PDE4D: variants seen among roughly 807,000 people sequenced by gnomAD.
The protein encoded by PDE4D is 3',5'-cyclic-AMP phosphodiesterase 4D.
Under a neutral mutation model 87.4 loss-of-function variants are expected in PDE4D, and 24 were observed. The ratio of observed to expected loss-of-function variants is 0.27; its 90% CI spans 0.20 to 0.39. The LOEUF (loss-of-function observed/expected upper bound fraction) is 0.39, where lower values mean the gene tolerates loss of function less well. Among genes scored for constraint, PDE4D ranks in the 10% least tolerant of loss-of-function variants. The pLI, the probability that PDE4D is intolerant of heterozygous loss-of-function variation, is 1.00. For synonymous variants in PDE4D, 384 were observed against 383.2 expected (o/e 1.00, Z -0.02); for missense variants, 714 against 1,041.0 (o/e 0.69, Z 4.32).
chr5:59,594,548 T>C (rs929261741), intron 1 of PDE4D, among the ~76,000 whole-genome samples: 62 of 152,078 alleles, frequency 4.1e-4, no homozygotes, highest in African/African-American at 1.4e-3. Context: ...CTCAACCTCC[T>C]GACCTCAGGT....
chr5:59,865,493 G>A (rs979675994), intron 1 of PDE4D, among the ~76,000 whole-genome samples: 3 of 152,266 alleles, frequency 2.0e-5, no homozygotes, highest in East Asian at 3.9e-4. Flanking sequence ...GCCTTTTGTA[G>A]AGCCAAGAGA....
intron 1 of PDE4D, among the ~76,000 whole-genome samples, chr5:59,296,830 T>G (rs978066670): frequency 1.3e-5 from 2 of 151,892 alleles, no homozygotes; most frequent in Non-Finnish European, 1.5e-5. Flanking sequence ...AAGGTTAAAC[T>G]CGCAAGGTTA....
intron 11 of PDE4D, among the ~76,000 whole-genome samples, chr5:58,978,549 AT>A (rs1250512259): frequency 2.6e-5 from 4 of 152,228 alleles, no homozygotes; most frequent in African/African-American, 9.6e-5. Context: ...TAAGAAAGAA[AT>A]ACCCAATACT....
intron 1 of PDE4D, among the ~76,000 whole-genome samples, chr5:59,288,972 A>AT (rs1767497964): frequency 6.6e-6 from 1 of 152,122 alleles, no homozygotes; most frequent in South Asian, 2.1e-4. Context: ...AGAAAAGCAT[A>AT]TTAATGAGCA....
intron 3 of PDE4D, among the ~76,000 whole-genome samples, chr5:59,920,011 T>A (rs367660291): frequency 6.6e-6 from 1 of 152,222 alleles, no homozygotes. Flanking sequence ...AAATCTTGAA[T>A]TGAGATTATG....
chr5:60,114,157 T>G (rs570435186), intron 2 of PDE4D, among the ~76,000 whole-genome samples: 31 of 152,144 alleles, frequency 2.0e-4, no homozygotes, highest in Non-Finnish European at 3.1e-4. Context: ...ACTAGTAGTA[T>G]TTCATAGACT....
chr5:59,827,805 T>C (rs183806892), intron 1 of PDE4D, among the ~76,000 whole-genome samples: 7 of 152,202 alleles, frequency 4.6e-5, no homozygotes, highest in Admixed American at 2.6e-4. Context: ...ATTGTTTTCT[T>C]TGAAATAGTG....
chr5:60,288,410 A>C (rs1219434554), intron 1 of PDE4D, among the ~76,000 whole-genome samples: 1 of 151,994 alleles, frequency 6.6e-6, no homozygotes, highest in Non-Finnish European at 1.5e-5. Context: ...TGTCCTCTCC[A>C]CCCCCAGAAA....
intron 1 of PDE4D, chr5:60,460,036 G>A: frequency 6.9e-7 from 1 of 1,449,734 alleles, no homozygotes; most frequent in Non-Finnish European, 9.7e-7. Context: ...TAATGAGTTT[G>A]ACCAAATATC....
intron 1 of PDE4D, among the ~76,000 whole-genome samples, chr5:59,553,195 A>G (rs1818397111): frequency 6.6e-6 from 1 of 152,126 alleles, no homozygotes; most frequent in Admixed American, 6.6e-5. Context: ...CCGTATGTAC[A>G]TGTTTCTGAC....
At chr5:59,453,946 T>C (rs1799526596) in intron 1 of PDE4D, among the ~76,000 whole-genome samples, 1 of 152,232 alleles carries the variant, frequency 6.6e-6, no homozygotes, top group African/African-American at 2.4e-5. Flanking sequence ...AAAGACAGGC[T>C]GATCCTCTTG....
intron 1 of PDE4D, chr5:59,586,429 T>C: frequency 6.3e-7 from 1 of 1,591,868 alleles, no homozygotes; most frequent in Admixed American, 1.7e-5. Context: ...TTACATGTAG[T>C]GATTTTTACA....
chr5:59,963,878 C>A (rs1561917170), intron 3 of PDE4D, among the ~76,000 whole-genome samples: 1 of 152,170 alleles, frequency 6.6e-6, no homozygotes, highest in Non-Finnish European at 1.5e-5. Flanking sequence ...AGGGATGGAA[C>A]TCCTAAGACC....
intron 1 of PDE4D, among the ~76,000 whole-genome samples, chr5:59,368,519 G>A (rs1057246538): frequency 6.6e-6 from 1 of 152,140 alleles, no homozygotes; most frequent in Non-Finnish European, 1.5e-5. Flanking sequence ...CATTTGGTGT[G>A]CTTGATTTAG....
intron 5 of PDE4D, among the ~76,000 whole-genome samples, chr5:59,128,657 C>T (rs890065552): frequency 1.1e-4 from 17 of 152,178 alleles, no homozygotes; most frequent in Admixed American, 9.2e-4. Context: ...TTTCATCTGA[C>T]CAATCTTTGA....
intron 2 of PDE4D, among the ~76,000 whole-genome samples, chr5:60,087,028 C>T (rs755870413): frequency 3.3e-5 from 5 of 152,200 alleles, no homozygotes; most frequent in Non-Finnish European, 7.3e-5. Flanking sequence ...GGACTGAGTT[C>T]TGGTACTCAC....
chr5:59,135,027 T>C (rs1329336547), intron 5 of PDE4D, among the ~76,000 whole-genome samples: 1 of 152,186 alleles, frequency 6.6e-6, no homozygotes, highest in African/African-American at 2.4e-5. Flanking sequence ...ATGAGTTACA[T>C]AATGCATGTG....
chr5:59,197,890 C>T (rs991935068), intron 2 of PDE4D, among the ~76,000 whole-genome samples: 2 of 152,104 alleles, frequency 1.3e-5, no homozygotes, highest in African/African-American at 4.8e-5. Context: ...CTTTTTAAAG[C>T]GCCTTGCCAC....
intron 1 of PDE4D, among the ~76,000 whole-genome samples, chr5:60,218,055 TA>T (rs1392374305): frequency 6.6e-6 from 1 of 151,932 alleles, no homozygotes; most frequent in African/African-American, 2.4e-5. Context: ...CTATGTCAAC[TA>T]AAAAATGAAT....
Sources: gnomAD v4.1 joint callset for allele counts (sites outside exome capture counted in the v4.1 genomes callset) on GRCh38, gnomAD v4.1.1 for gene constraint, MANE v1.5 for transcripts, NCBI Gene and HGNC (gene_info 2026-07-23, HGNC 2026-07-21) for gene names.